Variants in CDH12 observed in about 807,000 individuals in gnomAD.
CDH12 encodes cadherin-12.
CDH12 carries 41 observed loss-of-function variants against 74.1 expected under a neutral mutation model. That is an observed-to-expected ratio of 0.55 (90% CI 0.43 to 0.72). CDH12 has a LOEUF of 0.72. Among genes scored for constraint, CDH12 ranks in the 30% least tolerant of loss-of-function variants. CDH12 has a pLI of 0.00. For missense variants in CDH12, 945 were observed against 977.2 expected (o/e 0.97, Z 0.44); for synonymous variants, 399 against 355.0 (o/e 1.12, Z -1.39).
chr5:21,844,999 G>GTAGATAGATAGA (rs60865016), intron 7 of CDH12, among the ~76,000 whole-genome samples: 6,711 of 149,684 alleles, frequency 0.045, 241 homozygotes, highest in Admixed American at 0.09. Flanking sequence ...ACTGAGGTAG[G>GTAGATAGATAGA]TAGATAGATA....
intron 5 of CDH12, among the ~76,000 whole-genome samples, chr5:21,976,170 G>T (rs1580055554): frequency 6.6e-6 from 1 of 152,106 alleles, no homozygotes; most frequent in South Asian, 2.1e-4. Flanking sequence ...CAAATAGCTT[G>T]TTCCAATTCA....
At chr5:22,651,170 T>G (rs1335889592) in intron 1 of CDH12, among the ~76,000 whole-genome samples, 1 of 152,066 alleles carries the variant, frequency 6.6e-6, no homozygotes, top group Non-Finnish European at 1.5e-5. Context: ...AACTTAAATG[T>G]TACCTTCTCA....
chr5:22,427,683 C>G (rs528842623), intron 2 of CDH12, among the ~76,000 whole-genome samples: 271 of 152,156 alleles, frequency 1.8e-3, no homozygotes, highest in African/African-American at 6.2e-3. Flanking sequence ...GGTCTGATAT[C>G]CCTAGAATGT....
At chr5:21,756,254 T>A (rs189231535) in intron 13 of CDH12, among the ~76,000 whole-genome samples, 1 of 152,104 alleles carries the variant, frequency 6.6e-6, no homozygotes, top group South Asian at 2.1e-4. Context: ...TTAAAACCAA[T>A]TGACTATTTT....
chr5:22,112,739 G>A (rs1744884882), intron 4 of CDH12, among the ~76,000 whole-genome samples: 1 of 152,142 alleles, frequency 6.6e-6, no homozygotes, highest in African/African-American at 2.4e-5. Context: ...GCATAACAGT[G>A]TAATGGTCAG....
intron 5 of CDH12, among the ~76,000 whole-genome samples, chr5:22,071,026 C>G (rs1741904322): frequency 6.6e-6 from 1 of 151,994 alleles, no homozygotes; most frequent in Non-Finnish European, 1.5e-5. Flanking sequence ...TGCATGCAGG[C>G]CTTAATACCT....
chr5:22,092,709 TAG>T (rs1028369948), intron 4 of CDH12, among the ~76,000 whole-genome samples: 2 of 152,092 alleles, frequency 1.3e-5, no homozygotes, highest in African/African-American at 4.8e-5. Flanking sequence ...TGTTAAAATA[TAG>T]AGTTTATGAG....
At chr5:22,486,528 C>T (rs1023686582) in intron 2 of CDH12, among the ~76,000 whole-genome samples, 1 of 150,798 alleles carries the variant, frequency 6.6e-6, no homozygotes, top group Non-Finnish European at 1.5e-5. Context: ...CTCGGCTCAC[C>T]GGAACCTCCG....
chr5:22,002,441 T>C (rs953036131), intron 5 of CDH12, among the ~76,000 whole-genome samples: 1 of 152,160 alleles, frequency 6.6e-6, no homozygotes, highest in Non-Finnish European at 1.5e-5. Context: ...AGTTTTCCAT[T>C]TTGTAAATAT....
intron 6 of CDH12, among the ~76,000 whole-genome samples, chr5:21,926,063 C>G (rs533104635): frequency 6.6e-6 from 1 of 151,920 alleles, no homozygotes; most frequent in East Asian, 1.9e-4. Flanking sequence ...TCTTTCATCT[C>G]ACTTGAAAGT....
At chr5:22,643,829 G>A (rs947618305) in intron 1 of CDH12, among the ~76,000 whole-genome samples, 1 of 131,862 alleles carries the variant, frequency 7.6e-6, no homozygotes, top group South Asian at 2.5e-4. Flanking sequence ...CCAACGGCAT[G>A]TGCTTACTTC....
chr5:22,516,615 C>T (rs1280204111), intron 1 of CDH12, among the ~76,000 whole-genome samples: 2 of 151,642 alleles, frequency 1.3e-5, no homozygotes, highest in Non-Finnish European at 2.9e-5. Context: ...GGCAACATGG[C>T]GAAACCTTGT....
intron 1 of CDH12, among the ~76,000 whole-genome samples, chr5:22,528,019 A>C (rs1244839620): frequency 6.6e-6 from 1 of 152,074 alleles, no homozygotes; most frequent in Non-Finnish European, 1.5e-5. Flanking sequence ...GTCTGTATAA[A>C]CTAGAAAACT....
intron 8 of CDH12, among the ~76,000 whole-genome samples, chr5:21,823,150 C>G (rs1198103171): frequency 6.6e-6 from 1 of 151,936 alleles, no homozygotes; most frequent in Non-Finnish European, 1.5e-5. Flanking sequence ...GGAGAGAAGT[C>G]AATTAAACAA....
intron 4 of CDH12, among the ~76,000 whole-genome samples, chr5:22,098,330 A>C (rs1467860065): frequency 6.6e-5 from 10 of 152,112 alleles, no homozygotes; most frequent in Admixed American, 2.6e-4. Context: ...CTAATCTCCC[A>C]AACCCCAATC....
At chr5:22,474,517 T>C (rs1342885141) in intron 2 of CDH12, among the ~76,000 whole-genome samples, 1 of 152,128 alleles carries the variant, frequency 6.6e-6, no homozygotes, top group Admixed American at 6.6e-5. Flanking sequence ...CCATAGGTGA[T>C]TGTTAACATT....
rs377320128 is a variant in CDH12, at chr5:21,955,106, G to A, written c.526+19985C>T. 1.1e-4 allele frequency among the ~76,000 whole-genome samples: 17 copies of A among 151,870 alleles called. No homozygotes were observed. The East Asian group carries it at 2.1e-3, about 19-fold the overall frequency. ...ACTTCCTATCATTTTCAGGTTCTGC[G>A]TTTGATTTTTTTTACATATTAATTT... is the stretch of plus-strand genomic sequence containing the variant. On this transcript the variant is annotated intron_variant, in intron 6 of 14. Coordinates refer to ENST00000382254, the MANE Select transcript of CDH12 (RefSeq NM_004061.5).
chr5:22,392,461 G>A (rs1253566127), intron 3 of CDH12, among the ~76,000 whole-genome samples: 1 of 152,026 alleles, frequency 6.6e-6, no homozygotes, highest in East Asian at 1.9e-4. Context: ...CTGCCTCAAC[G>A]TATTCATCTG....
chr5:22,098,744 C>T (rs910656377), intron 4 of CDH12, among the ~76,000 whole-genome samples: 10 of 152,156 alleles, frequency 6.6e-5, no homozygotes, highest in African/African-American at 2.4e-4. Context: ...GACTGTATCC[C>T]TCTGATCCAC....
Sources: gnomAD v4.1 joint callset for allele counts (sites outside exome capture counted in the v4.1 genomes callset) on GRCh38, gnomAD v4.1.1 for gene constraint, MANE v1.5 for transcripts, NCBI Gene and HGNC (gene_info 2026-07-23, HGNC 2026-07-21) for gene names.